SMARCC1: variants seen among roughly 807,000 people sequenced by gnomAD.
The protein encoded by SMARCC1 is SWI/SNF complex subunit SMARCC1.
SMARCC1 carries 43 observed loss-of-function variants against 147.4 expected under a neutral mutation model. That is an observed-to-expected ratio of 0.29 (90% CI 0.23 to 0.38). The LOEUF is 0.38. SMARCC1 is among the 10% of genes least tolerant of loss of function. SMARCC1 has a pLI of 1.00. For missense variants in SMARCC1, 1,119 were observed against 1,381.1 expected, an observed-to-expected ratio of 0.81 and a Z score of 3.01; for synonymous variants, 495 against 484.4, an observed-to-expected ratio of 1.02 and a Z score of -0.29.
intron 2 of SMARCC1, among the ~76,000 whole-genome samples, chr3:47,771,674 G>A (rs1319661015): frequency 6.6e-6 from 1 of 152,092 alleles, no homozygotes; most frequent in Non-Finnish European, 1.5e-5. Flanking sequence ...AACCCGGGAG[G>A]CAGAGGTTGC....
At chr3:47,670,764 A>G in intron 18 of SMARCC1, 47 bp from the exon 19 acceptor site, 1 of 1,123,268 alleles carries the variant, frequency 8.9e-7, no homozygotes, top group Non-Finnish European at 1.4e-6. Flanking sequence ...TAAATGCTGA[A>G]GATGGAGCTC....
rs770119665 is a variant in SMARCC1 at position 47,714,490 on chromosome 3, G to A, written c.717C>T (p.Ser239=). 2.7e-6 allele frequency: 4 copies of A among 1,489,968 alleles called. No homozygotes were observed. The highest frequency in any genetic ancestry group is 3.7e-6 in the Non-Finnish European group (4 of 1,088,546). The allele number at this position is 1,489,968 out of a possible 1,614,324, so 92.3% of individuals were successfully genotyped here. A position where few individuals can be genotyped will look rare whatever the true frequency, so the allele number is the denominator to read the frequency against. The change falls in exon 8 of 28, where the codon AGC becomes AGT. Residue 239 remains serine (S), a splice_region_variant and synonymous_variant. Coordinates refer to ENST00000254480, the MANE Select transcript of SMARCC1 (RefSeq NM_003074.4). The part of the protein sequence containing the change: ...VLVHWGFYPD[S]YDTWVHSNDV... Reference sequence around the variant, plus strand: ...CATTACTATGGACCCAAGTATCATAGCTATAAAGGAATCAAAATGAGAAAA... The same window carrying A: ...CATTACTATGGACCCAAGTATCATAACTATAAAGGAATCAAAATGAGAAAA...
At chr3:47,781,511 G>A in intron 1 of SMARCC1, 92 bp downstream of exon 1, 1 of 884,360 alleles carries the variant, frequency 1.1e-6, no homozygotes, top group Non-Finnish European at 1.6e-6. Context: ...GTGGCGTGCG[G>A]GGGGGAGGGG....
chr3:47,701,230 G>A, intron 11 of SMARCC1, 48 bp downstream of exon 11: 1 of 1,566,098 alleles, frequency 6.4e-7, no homozygotes, highest in Non-Finnish European at 8.8e-7. Context: ...TGGTATTGCT[G>A]AGAATGACTA....
chr3:47,644,617 C>T (rs1456151414), intron 21 of SMARCC1, among the ~76,000 whole-genome samples: 3 of 152,256 alleles, frequency 2.0e-5, no homozygotes, highest in Admixed American at 6.5e-5. Flanking sequence ...AAGCGATTCT[C>T]GTGCCTCAGC....
intron 21 of SMARCC1, among the ~76,000 whole-genome samples, chr3:47,649,481 T>G (rs1018695995): frequency 2.6e-5 from 4 of 152,216 alleles, no homozygotes; most frequent in Admixed American, 1.3e-4. Flanking sequence ...ATTAGTTGGG[T>G]TCTTTAACAC....
At position 47,739,171 on chromosome 3, in the gene SMARCC1, A is replaced by G. The variant is rs138102241; in HGVS notation, c.402-1061T>C. 4.6e-5 allele frequency among the ~76,000 whole-genome samples: 7 copies of G among 152,352 alleles called. 1 individual carries two copies. The highest frequency in any genetic ancestry group is 1.7e-4 in the African/African-American group (7 of 41,588). On this transcript the variant is annotated intron_variant, in intron 3 of 27. Transcript: ENST00000254480. The stretch of plus-strand genomic sequence containing the variant: ...GAAAGTAAGGATTGTGGAAAACTAC[A>G]TTAGTCTTGAGCAATTTGTTAACCC...
chr3:47,772,017 C>G (rs1052661328), intron 2 of SMARCC1, among the ~76,000 whole-genome samples: 1 of 151,454 alleles, frequency 6.6e-6, no homozygotes, highest in Non-Finnish European at 1.5e-5. Context: ...TGCAGTGAGC[C>G]GAAATCACAC....
intron 17 of SMARCC1, among the ~76,000 whole-genome samples, chr3:47,675,802 G>A (rs893277251): frequency 5.3e-5 from 8 of 151,940 alleles, no homozygotes; most frequent in East Asian, 1.9e-4. Flanking sequence ...AAAATTAGCC[G>A]GGCGTGGTGG....
chr3:47,684,545 A>G (rs1272633964), intron 14 of SMARCC1, among the ~76,000 whole-genome samples: 1 of 151,070 alleles, frequency 6.6e-6, no homozygotes, highest in Non-Finnish European at 1.5e-5. Flanking sequence ...GGTTCAAGCG[A>G]TTCTCCTGCC....
At chr3:47,699,809 T>C (rs1430713882) in intron 11 of SMARCC1, among the ~76,000 whole-genome samples, 1 of 152,092 alleles carries the variant, frequency 6.6e-6, no homozygotes, top group East Asian at 1.9e-4. Flanking sequence ...AACCGTATAC[T>C]TCCTGAGTTT....
At chr3:47,662,792 T>C (rs2033364830) in intron 19 of SMARCC1, among the ~76,000 whole-genome samples, 200 bp from the exon 20 acceptor site, 1 of 151,872 alleles carries the variant, frequency 6.6e-6, no homozygotes. Context: ...AAGAAAGTAG[T>C]CCAGGCACGG....
chr3:47,757,617 T>C (rs149006296), intron 2 of SMARCC1, among the ~76,000 whole-genome samples: 18 of 151,704 alleles, frequency 1.2e-4, no homozygotes, highest in African/African-American at 4.3e-4. Context: ...CCCCTATCTC[T>C]ACTAAAAATA....
Position 47,670,664 on chromosome 3 carries a change from G to C in SMARCC1, c.1893C>G (p.Leu631=). The C allele has an allele frequency of 6.4e-7, 1 of 1,561,906 alleles. No individual in the cohort carries two copies. The highest frequency in any genetic ancestry group is 8.8e-7 in the Non-Finnish European group (1 of 1,132,084). The change falls in exon 19 of 28, where the codon CTC becomes CTG. Residue 631 remains leucine (L), a synonymous_variant. Coordinates refer to ENST00000254480, the MANE Select transcript of SMARCC1 (RefSeq NM_003074.4). The stretch of plus-strand genomic sequence containing the variant: ...TATGCATTAATCTGCTTACCTCCAG[G>C]AGTAGAAGGGTCTCCTGTTCAGTCC... ...REWTEQETLL[L]LEALEMYKDD... is the part of the protein sequence containing the mutation.
At position 47,633,787 on chromosome 3, in the gene SMARCC1, C is replaced by T. The variant is rs1256712404; in HGVS notation, c.2646+1403G>A. Among the ~76,000 whole-genome samples the T allele has an allele frequency of 8.9e-4, 25 of 28,162 alleles. 1 individual carries two copies. The highest frequency in any genetic ancestry group is 2.8e-3 in the Non-Finnish European group (22 of 7,806). 18.5% of individuals were successfully genotyped at this position (28,162 alleles called of 152,430 possible). A position where few individuals can be genotyped will look rare whatever the true frequency, so the allele number is the denominator to read the frequency against. On this transcript the variant is annotated intron_variant, in intron 24 of 27. Transcript: ENST00000254480. ...AAATATATATATATATATACACACA[C>T]ACACACACACACACACACACACACA...
intron 18 of SMARCC1, among the ~76,000 whole-genome samples, chr3:47,674,212 T>C (rs1318554009): frequency 6.6e-6 from 1 of 152,242 alleles, no homozygotes; most frequent in Non-Finnish European, 1.5e-5. Context: ...TTACTTTATA[T>C]TTAACCACAC....
At chr3:47,598,155 T>C (rs961081901) in intron 26 of SMARCC1, among the ~76,000 whole-genome samples, 1 of 152,188 alleles carries the variant, frequency 6.6e-6, no homozygotes, top group Non-Finnish European at 1.5e-5. Context: ...AGGCCATTAA[T>C]AAAAGCAATG....
chr3:47,634,062 AG>A (rs769243043), intron 24 of SMARCC1, among the ~76,000 whole-genome samples: 12 of 152,250 alleles, frequency 7.9e-5, no homozygotes, highest in African/African-American at 1.2e-4. Flanking sequence ...AACTTCCCAG[AG>A]GGGGATGTAG....
chr3:47,593,773 T>C (rs775239191), intron 26 of SMARCC1, among the ~76,000 whole-genome samples: 1 of 152,124 alleles, frequency 6.6e-6, no homozygotes, highest in Non-Finnish European at 1.5e-5. Context: ...AACCACACCC[T>C]GCCTATCTCC....
Sources: gnomAD v4.1 joint callset for allele counts (sites outside exome capture counted in the v4.1 genomes callset) on GRCh38, gnomAD v4.1.1 for gene constraint, MANE v1.5 for transcripts, NCBI Gene and HGNC (gene_info 2026-07-23, HGNC 2026-07-21) for gene names.